NRXN3: variants seen among roughly 807,000 people sequenced by gnomAD.
NRXN3 encodes neurexin III.
NRXN3 carries 32 observed loss-of-function variants against 137.6 expected under a neutral mutation model. The observed-to-expected ratio is 0.23, with a 90% CI of 0.18 to 0.31. The LOEUF is 0.31. Ranked by LOEUF, NRXN3 falls within the 10% of genes least tolerant of loss-of-function variation. NRXN3 has a pLI of 1.00. For synonymous variants in NRXN3, 798 were observed against 784.5 expected (o/e 1.02, Z -0.29); for missense variants, 1,574 against 2,062.5 (o/e 0.76, Z 4.59).
At chr14:78,769,839 A>G (rs1426195099) in intron 8 of NRXN3, among the ~76,000 whole-genome samples, 2 of 152,282 alleles carry the variant, frequency 1.3e-5, no homozygotes, top group East Asian at 3.9e-4. Flanking sequence ...CATAGAGACA[A>G]GAAACTTCCA....
intron 16 of NRXN3, among the ~76,000 whole-genome samples, chr14:79,553,452 A>G (rs1410839265): frequency 6.6e-6 from 1 of 152,152 alleles, no homozygotes; most frequent in Non-Finnish European, 1.5e-5. Context: ...GATTTCAAAG[A>G]CACTAAAACC....
At chr14:78,617,233 GGAAGGAAATTGCT>G (rs1470246999) in intron 4 of NRXN3, among the ~76,000 whole-genome samples, 2 of 152,160 alleles carry the variant, frequency 1.3e-5, no homozygotes, top group African/African-American at 4.8e-5. Flanking sequence ...AGCTGTTGGA[GGAAGGAAATTGCT>G]GACAGCCACT....
At chr14:78,518,378 T>G (rs945356217) in intron 4 of NRXN3, among the ~76,000 whole-genome samples, 11 of 152,126 alleles carry the variant, frequency 7.2e-5, no homozygotes, top group Admixed American at 2.6e-4. Context: ...TTTAAATTTC[T>G]CTCTAGGTGG....
At chr14:79,184,289 A>G (rs1407187197) in intron 15 of NRXN3, among the ~76,000 whole-genome samples, 1 of 152,248 alleles carries the variant, frequency 6.6e-6, no homozygotes, top group African/African-American at 2.4e-5. Flanking sequence ...AAAAAAGACA[A>G]GGAAAGGAAA....
chr14:78,610,458 T>C (rs968449185), intron 4 of NRXN3, among the ~76,000 whole-genome samples: 1 of 152,216 alleles, frequency 6.6e-6, no homozygotes, highest in African/African-American at 2.4e-5. Context: ...TCAAGGCTCA[T>C]CACTTGGGGT....
rs528810122 is a variant in NRXN3, at chr14:79,604,897, T to C, written c.3445-58881T>C. 4.2e-4 allele frequency among the ~76,000 whole-genome samples: 64 copies of C among 151,990 alleles called. 1 individual carries two copies. The South Asian group carries it at 0.012, about 28-fold the overall frequency. The stretch of plus-strand genomic sequence containing the variant: ...AAATATAAAAATTAGCTGGGCATGG[T>C]GGTGGGTACATGTAATCCCAGCTAC... On this transcript the variant is annotated intron_variant, in intron 16 of 20. Transcript: ENST00000335750.
chr14:79,547,173 A>G (rs1315871857), intron 16 of NRXN3, among the ~76,000 whole-genome samples: 3 of 152,148 alleles, frequency 2.0e-5, no homozygotes, highest in Non-Finnish European at 2.9e-5. Context: ...GAGAAATTAA[A>G]TAACCTTTAA....
At chr14:79,279,796 A>C in intron 15 of NRXN3, 1 of 991,330 alleles carries the variant, frequency 1.0e-6, no homozygotes, top group East Asian at 1.1e-4. Context: ...ATCTCATGGA[A>C]GTGGAAACAG....
intron 1 of NRXN3, among the ~76,000 whole-genome samples, chr14:78,191,474 A>G (rs1287504501): frequency 6.6e-6 from 1 of 152,184 alleles, no homozygotes; most frequent in Non-Finnish European, 1.5e-5. Flanking sequence ...ATGGAAGTGC[A>G]TTTGATGAGG....
At chr14:79,446,676 A>T (rs1255383034) in intron 15 of NRXN3, among the ~76,000 whole-genome samples, 4 of 151,004 alleles carry the variant, frequency 2.6e-5, no homozygotes, top group African/African-American at 9.7e-5. Context: ...TTTTTCTCCT[A>T]TCCCAAAATA....
intron 10 of NRXN3, among the ~76,000 whole-genome samples, chr14:78,854,250 C>T (rs146780515): frequency 2.0e-4 from 31 of 152,322 alleles, no homozygotes; most frequent in Admixed American, 3.9e-4. Context: ...ACACATGCTT[C>T]GGCCTTGCCA....
intron 4 of NRXN3, among the ~76,000 whole-genome samples, chr14:78,540,711 A>G (rs1566689276): frequency 6.6e-6 from 1 of 152,052 alleles, no homozygotes; most frequent in African/African-American, 2.4e-5. Context: ...TCTTCATACC[A>G]TCAATGGTCT....
intron 4 of NRXN3, among the ~76,000 whole-genome samples, chr14:78,583,105 C>A (rs1297580028): frequency 6.6e-6 from 1 of 152,186 alleles, no homozygotes; most frequent in Non-Finnish European, 1.5e-5. Flanking sequence ...ACTTTCCCTT[C>A]CTGACGCCTC....
intron 15 of NRXN3, among the ~76,000 whole-genome samples, chr14:79,213,764 G>A (rs572846132): frequency 1.3e-5 from 2 of 152,180 alleles, no homozygotes; most frequent in East Asian, 3.9e-4. Context: ...ATAGCCATCT[G>A]CTCGGCCACA....
At chr14:78,923,234 G>A (rs79060258) in intron 10 of NRXN3, among the ~76,000 whole-genome samples, 2,367 of 152,238 alleles carry the variant, frequency 0.016, 71 homozygotes, top group African/African-American at 0.054. Context: ...AACACTTTTT[G>A]TTGTACATCT....
intron 4 of NRXN3, among the ~76,000 whole-genome samples, chr14:78,456,680 T>TTATCC (rs1342299691): frequency 6.6e-6 from 1 of 152,158 alleles, no homozygotes; most frequent in African/African-American, 2.4e-5. Flanking sequence ...ATTCTGTTCC[T>TTATCC]TATCCTAGCC....
At chr14:79,100,319 C>T (rs546749514) in intron 15 of NRXN3, among the ~76,000 whole-genome samples, 2 of 152,290 alleles carry the variant, frequency 1.3e-5, no homozygotes, top group East Asian at 3.9e-4. Flanking sequence ...TACTTTGAAT[C>T]CCCGATCGTC....
chr14:78,297,041 T>A (rs1174853506), intron 3 of NRXN3, among the ~76,000 whole-genome samples: 1 of 152,216 alleles, frequency 6.6e-6, no homozygotes, highest in African/African-American at 2.4e-5. Context: ...CTGTTTGCCT[T>A]CCATAATAAT....
intron 15 of NRXN3, among the ~76,000 whole-genome samples, chr14:79,403,925 T>C (rs1036929515): frequency 6.6e-6 from 1 of 152,198 alleles, no homozygotes; most frequent in Non-Finnish European, 1.5e-5. Flanking sequence ...CTCGATTTTA[T>C]TCAAATCTTA....
Sources: allele counts gnomAD v4.1 joint callset (sites outside exome capture counted in the v4.1 genomes callset), GRCh38; gene constraint gnomAD v4.1.1; transcripts MANE v1.5; gene names NCBI Gene and HGNC (gene_info 2026-07-23, HGNC 2026-07-21).